The following AKT3 variants were observed in gnomAD, a reference collection of about 807,000 sequenced individuals.
AKT3 encodes RAC-gamma serine/threonine-protein kinase.
Under a neutral mutation model 65.3 loss-of-function variants are expected in AKT3, and 15 were observed. The ratio of observed to expected loss-of-function variants is 0.23; its 90% CI spans 0.15 to 0.35. AKT3 has a LOEUF of 0.35. AKT3 is among the 10% of genes least tolerant of loss of function. The probability of loss-of-function intolerance (pLI) is 1.00; values close to 1 mark genes in which losing one functional copy is unlikely to be tolerated. For synonymous variants in AKT3, 206 were observed against 183.8 expected, an observed-to-expected ratio of 1.12 and a Z score of -0.98; for missense variants, 243 against 576.5, an observed-to-expected ratio of 0.42 and a Z score of 5.92.
At chr1:243,685,412 C>G (rs1167208159) in intron 3 of AKT3, among the ~76,000 whole-genome samples, 1 of 152,124 alleles carries the variant, frequency 6.6e-6, no homozygotes, top group Non-Finnish European at 1.5e-5. Context: ...CCAGTTTTCC[C>G]AACACCATTT....
intron 12 of AKT3, among the ~76,000 whole-genome samples, chr1:243,522,110 T>C (rs1670756081): frequency 6.6e-6 from 1 of 152,210 alleles, no homozygotes; most frequent in African/African-American, 2.4e-5. Context: ...ATTTTGCACC[T>C]AGTAGTGTTA....
intron 2 of AKT3, among the ~76,000 whole-genome samples, chr1:243,706,508 T>A (rs1685806978): frequency 6.6e-6 from 1 of 152,186 alleles, no homozygotes; most frequent in South Asian, 2.1e-4. Flanking sequence ...TAGGACTTTA[T>A]CTTAGACTCT....
intron 12 of AKT3, among the ~76,000 whole-genome samples, chr1:243,533,883 G>A (rs913470929): frequency 3.3e-5 from 5 of 152,124 alleles, no homozygotes; most frequent in Admixed American, 2.6e-4. Flanking sequence ...CCAGCTACTC[G>A]GGAGGCTGAG....
intron 12 of AKT3, among the ~76,000 whole-genome samples, chr1:243,526,531 G>A (rs963300709): frequency 5.3e-5 from 8 of 152,018 alleles, no homozygotes; most frequent in Admixed American, 5.2e-4. Context: ...AAGGAATCCT[G>A]GGAAAGGTGG....
chr1:243,693,769 C>T (rs569916111), intron 3 of AKT3, among the ~76,000 whole-genome samples: 2 of 152,020 alleles, frequency 1.3e-5, no homozygotes, highest in African/African-American at 4.8e-5. Flanking sequence ...TTGAAGATTG[C>T]GGTAAGTCAA....
rs374025304 is a variant in AKT3 at position 243,620,077 on chromosome 1, G to A, written c.562-4916C>T. 1.7e-4 allele frequency among the ~76,000 whole-genome samples: 17 copies of A among 98,112 alleles called. 2 individuals carry two copies. Among genetic ancestry groups the A allele is most frequent in the East Asian group, 5.4e-4 (2 of 3,674 alleles). The allele number at this position is 98,112 out of a possible 152,430, so 64.4% of individuals were successfully genotyped here. On this transcript the variant is annotated intron_variant, in intron 6 of 13. Coordinates refer to ENST00000673466, the MANE Select transcript of AKT3 (RefSeq NM_005465.7). ...GTAATCCCCATAATCCCTACATGTC[G>A]AGGGAGAGACCTGCTGGGAGGTGAC...
chr1:243,745,502 G>T (rs950464225), intron 2 of AKT3, among the ~76,000 whole-genome samples: 5 of 152,090 alleles, frequency 3.3e-5, no homozygotes, highest in Admixed American at 6.5e-5. Context: ...AAAGTGATTT[G>T]CCCAGGGTCA....
intron 10 of AKT3, among the ~76,000 whole-genome samples, chr1:243,554,812 T>G (rs1363580543): frequency 6.6e-6 from 1 of 151,590 alleles, no homozygotes; most frequent in Non-Finnish European, 1.5e-5. Flanking sequence ...ATAAAAAGCA[T>G]AAAAGCTGGA....
chr1:243,776,119 T>C (rs775052547), intron 2 of AKT3, among the ~76,000 whole-genome samples: 16 of 152,320 alleles, frequency 1.1e-4, no homozygotes, highest in Non-Finnish European at 2.2e-4. Context: ...CCCTTCTTAA[T>C]GAATGTTATC....
chr1:243,574,056 G>GA lies in AKT3; in HGVS notation c.697-1009dup, dbSNP rs1674757943. ...TAATAGATACACAATACATGTCTGTGAAAAAAATGAACCAATCAGCCAATG... is the reference window on the plus strand; with the variant it reads ...TAATAGATACACAATACATGTCTGTGAAAAAAAATGAACCAATCAGCCAATG... On this transcript the variant is annotated intron_variant, in intron 8 of 13. Coordinates refer to ENST00000673466, the MANE Select transcript of AKT3 (RefSeq NM_005465.7). 3.3e-5 allele frequency among the ~76,000 whole-genome samples: 5 copies of GA among 151,954 alleles called. No homozygotes were observed. The South Asian group carries it at 1.0e-3, about 32-fold the overall frequency.
chr1:243,500,661 G>A lies in AKT3; in HGVS notation c.*4588C>T, dbSNP rs556652272. The stretch of plus-strand genomic sequence containing the variant: ...TAGTTAGGACAGGTCCCTGACCTTC[G>A]GCTGCCCTGCCTGGCCAGCGAGCCA... On this transcript the variant is annotated 3_prime_UTR_variant, in exon 14 of 14. Coordinates refer to ENST00000673466, the MANE Select transcript of AKT3 (RefSeq NM_005465.7). 6 of 229,854 alleles carry A rather than the reference G, an allele frequency of 2.6e-5. No individual in the cohort carries two copies. Among genetic ancestry groups the A allele is most frequent in the South Asian group, 1.8e-4 (1 of 5,490 alleles). The allele number at this position is 229,854 out of a possible 1,614,324, so 14.2% of individuals were successfully genotyped here. A position where few individuals can be genotyped will look rare whatever the true frequency, so the allele number is the denominator to read the frequency against.
chr1:243,564,573 G>A (rs1032090723), intron 9 of AKT3, among the ~76,000 whole-genome samples: 2 of 152,086 alleles, frequency 1.3e-5, no homozygotes, highest in Admixed American at 6.5e-5. Context: ...TGAAATGTAA[G>A]AGAGGAGGAA....
chr1:243,742,479 G>T (rs1049555797), intron 2 of AKT3, among the ~76,000 whole-genome samples: 3 of 152,112 alleles, frequency 2.0e-5, no homozygotes, highest in Non-Finnish European at 2.9e-5. Context: ...ACAAAAATTA[G>T]CCGGGCATGG....
chr1:243,689,971 G>GA (rs891000210), intron 3 of AKT3, among the ~76,000 whole-genome samples: 3 of 151,092 alleles, frequency 2.0e-5, no homozygotes, highest in South Asian at 2.1e-4. Flanking sequence ...AAAGAAAAAA[G>GA]AAAAAAAAGA....
At chr1:243,613,341 T>C (rs767409568) in intron 8 of AKT3, among the ~76,000 whole-genome samples, 8 of 151,822 alleles carry the variant, frequency 5.3e-5, no homozygotes. Context: ...GAAAAGAAAC[T>C]TTGTGAAACA....
chr1:243,583,168 G>GTATATATATATATATATATATA (rs1425079716), intron 8 of AKT3, among the ~76,000 whole-genome samples: 1 of 113,246 alleles, frequency 8.8e-6, no homozygotes, highest in African/African-American at 3.5e-5. Context: ...GTATATGTGT[G>GTATATATATATATATATATATA]TGTATATATA....
At position 243,563,998 on chromosome 1, in the gene AKT3, T is replaced by C. The variant is rs895611113; in HGVS notation, c.820-150A>G. 2.4e-5 allele frequency: 14 copies of C among 575,980 alleles called. No homozygotes were observed. The East Asian group carries it at 4.3e-4, about 18-fold the overall frequency. 35.7% of individuals were successfully genotyped at this position (575,980 alleles called of 1,614,324 possible). A position where few individuals can be genotyped will look rare whatever the true frequency, so the allele number is the denominator to read the frequency against. On this transcript the variant is annotated intron_variant, in intron 9 of 13. Coordinates refer to ENST00000673466, the MANE Select transcript of AKT3 (RefSeq NM_005465.7). ...AACGCTCAGTACTTACAAACTCTGT[T>C]GCTTCACGTGTAAAAAGAAACATGT...
intron 8 of AKT3, among the ~76,000 whole-genome samples, chr1:243,587,282 G>T (rs1675878750): frequency 6.6e-6 from 1 of 152,190 alleles, no homozygotes. Flanking sequence ...AATTTTTAAA[G>T]TTCGGTAGTT....
rs759264137 is a variant in AKT3, at chr1:243,798,393, ATTTTTTTTTTTTT to A, written c.46+44719_46+44731del. ...CACCACTACACCTGGCTAATTTTTA[ATTTTTTTTTTTTT>A]TTTTTTTTTTTGTTTTGTAGAGATG... is the stretch of plus-strand genomic sequence containing the variant. On this transcript the variant is annotated intron_variant, in intron 2 of 13. Transcript: ENST00000673466. Among the ~76,000 whole-genome samples the A allele has an allele frequency of 7.2e-5, 6 of 83,312 alleles. No individual in the cohort carries two copies. In the Admixed American group the frequency reaches 7.6e-4, roughly 11 times the overall value. 54.7% of individuals were successfully genotyped at this position (83,312 alleles called of 152,430 possible). A position where few individuals can be genotyped will look rare whatever the true frequency, so the allele number is the denominator to read the frequency against.
Sources: allele counts gnomAD v4.1 joint callset (sites outside exome capture counted in the v4.1 genomes callset), GRCh38; gene constraint gnomAD v4.1.1; transcripts MANE v1.5; gene names NCBI Gene and HGNC (gene_info 2026-07-23, HGNC 2026-07-21).